The following NSMAF variants were observed in gnomAD, a reference collection of about 807,000 sequenced individuals.
NSMAF encodes the protein protein FAN.
A neutral mutation model predicts 134.9 loss-of-function variants in NSMAF; 90 were observed. That is an observed-to-expected ratio of 0.67 (90% CI 0.56 to 0.79). The LOEUF (loss-of-function observed/expected upper bound fraction) is 0.79, where lower values mean the gene tolerates loss of function less well. Among genes scored for constraint, NSMAF ranks in the 30% least tolerant of loss-of-function variants. NSMAF has a pLI of 0.00. For missense variants in NSMAF, 1,010 were observed against 1,119.0 expected (o/e 0.90, Z 1.39); for synonymous variants, 358 against 389.6 (o/e 0.92, Z 0.96).
chr8:58,632,856 T>C (rs895343273), intron 5 of NSMAF, among the ~76,000 whole-genome samples: 2 of 152,188 alleles, frequency 1.3e-5, no homozygotes, highest in Non-Finnish European at 2.9e-5. Flanking sequence ...TCTTTATCAC[T>C]ATAAAGGGCA....
intron 5 of NSMAF, among the ~76,000 whole-genome samples, chr8:58,632,755 G>T (rs537041257): frequency 6.6e-6 from 1 of 152,302 alleles, no homozygotes; most frequent in Admixed American, 6.5e-5. Context: ...CCAGATGGAT[G>T]CATCCAAATG....
intron 27 of NSMAF, 130 bp from the exon 28 acceptor site, chr8:58,586,738 C>T (rs769535274): frequency 2.0e-5 from 13 of 646,150 alleles, no homozygotes; most frequent in Non-Finnish European, 3.4e-5. Flanking sequence ...GCCGGTGTTG[C>T]TAATGCAGAT....
At chr8:58,612,017 T>C (rs1806540347) in intron 9 of NSMAF, among the ~76,000 whole-genome samples, 1 of 152,166 alleles carries the variant, frequency 6.6e-6, no homozygotes, top group South Asian at 2.1e-4. Context: ...ATTTCCCGAG[T>C]GACAGAGGTG....
Position 58,599,344 on chromosome 8 carries a change from C to T in NSMAF, c.1473G>A (p.Gln491=). Residue 491 remains glutamine (Q), a synonymous_variant, in exon 19 of 31, where the codon CAG becomes CAA. Transcript: ENST00000038176. ...PWASSPEDFL[Q]KSKDALESNY... ...TGCTTTCCAATGCATCTTTGCTCTTCTGGAGAAAGTCCTCGGGACCTATTA... is the reference window on the plus strand; with the variant it reads ...TGCTTTCCAATGCATCTTTGCTCTTTTGGAGAAAGTCCTCGGGACCTATTA... The T allele has an allele frequency of 6.2e-7, 1 of 1,614,012 alleles. No homozygotes were observed. Among genetic ancestry groups the T allele is most frequent in the Non-Finnish European group, 8.5e-7 (1 of 1,179,964 alleles).
chr8:58,583,558 T>TA lies in NSMAF; in HGVS notation c.*547dup. 6.6e-6 allele frequency: 1 copy of TA among 152,388 alleles called. No individual in the cohort carries two copies. The highest frequency in any genetic ancestry group is 2.1e-4 in the South Asian group (1 of 4,848). 9.4% of individuals were successfully genotyped at this position (152,388 alleles called of 1,614,324 possible). A position where few individuals can be genotyped will look rare whatever the true frequency, so the allele number is the denominator to read the frequency against. ...GAAAAGATGAATAGCTGTAATGAAATACAAACCGTTCCTATACACAGTAAA... is the reference window on the plus strand; with the variant it reads ...GAAAAGATGAATAGCTGTAATGAAATAACAAACCGTTCCTATACACAGTAAA... On this transcript the variant is annotated 3_prime_UTR_variant, in exon 31 of 31. Coordinates refer to ENST00000038176, the MANE Select transcript of NSMAF (RefSeq NM_003580.4).
At chr8:58,659,426 C>A in intron 1 of NSMAF, 147 bp downstream of exon 1, 1 of 1,506,400 alleles carries the variant, frequency 6.6e-7, no homozygotes, top group African/African-American at 1.4e-5. Context: ...CGCCACAGCC[C>A]CCAGCCCAGG....
At chr8:58,645,308 A>C (rs1807421360) in intron 1 of NSMAF, among the ~76,000 whole-genome samples, 2 of 152,272 alleles carry the variant, frequency 1.3e-5, no homozygotes, top group South Asian at 4.1e-4. Context: ...GGTATCAGGC[A>C]CAGTGGAGAG....
In NSMAF at chr8:58,600,621, C is replaced by CAAAAAAAA. The variant is rs35209612; in HGVS notation, c.1281-608_1281-601dup. On this transcript the variant is annotated intron_variant, in intron 16 of 30. Coordinates refer to ENST00000038176, the MANE Select transcript of NSMAF (RefSeq NM_003580.4). ...TGGGCGACAGAGCAAGACTCTGTCT[C>CAAAAAAAA]AAAAAAAAAAAAAAAAAAAAAAAAA... Among the ~76,000 whole-genome samples the CAAAAAAAA allele has an allele frequency of 1.3e-4, 6 of 44,690 alleles. 1 individual carries two copies. Among genetic ancestry groups the CAAAAAAAA allele is most frequent in the African/African-American group, 2.6e-4 (3 of 11,322 alleles). 29.3% of individuals were successfully genotyped at this position (44,690 alleles called of 152,430 possible).
chr8:58,650,934 C>T (rs77724289), intron 1 of NSMAF, among the ~76,000 whole-genome samples: 4,070 of 152,278 alleles, frequency 0.027, 201 homozygotes, highest in African/African-American at 0.092. Context: ...CCATTTCTTC[C>T]ACCCACTTAA....
chr8:58,648,718 CA>C (rs1286149687), intron 1 of NSMAF, among the ~76,000 whole-genome samples: 33 of 152,200 alleles, frequency 2.2e-4, no homozygotes, highest in African/African-American at 7.7e-4. Flanking sequence ...GCTGCTGCTC[CA>C]AAGGGTGCAA....
At chr8:58,630,492 C>T (rs2129145426) in intron 6 of NSMAF, among the ~76,000 whole-genome samples, 1 of 152,172 alleles carries the variant, frequency 6.6e-6, no homozygotes, top group Middle Eastern at 3.4e-3. Context: ...GAAGGGCACC[C>T]CAGGTGAGTG....
intron 19 of NSMAF, 99 bp downstream of exon 19, chr8:58,599,133 A>AT (rs1806213395): frequency 8.0e-7 from 1 of 1,257,312 alleles, no homozygotes; most frequent in Non-Finnish European, 1.1e-6. Context: ...CTTTGGCCTC[A>AT]TTTTTTTGTT....
chr8:58,589,497 C>A lies in NSMAF; in HGVS notation c.2166G>T (p.Trp722Cys). 5.1e-6 allele frequency: 8 copies of A among 1,561,604 alleles called. No individual in the cohort carries two copies. The highest frequency in any genetic ancestry group is 6.9e-6 in the Non-Finnish European group (8 of 1,162,234). ...GHDDAVSKIC[W>C]HDNRLYSASW... is the part of the protein sequence containing the mutation. Reference sequence around the variant, plus strand: ...ATGCAGAATATAGCCTGTTGTCATGCCAACAGATCTTACTAACAGCATCAT... The same window carrying A: ...ATGCAGAATATAGCCTGTTGTCATGACAACAGATCTTACTAACAGCATCAT... The change falls in exon 26 of 31, where the codon TGG (tryptophan) becomes TGT (cysteine). Residue 722 changes from tryptophan to cysteine, a missense_variant. Coordinates refer to ENST00000038176, the MANE Select transcript of NSMAF (RefSeq NM_003580.4).
chr8:58,591,452 T>C (rs1455804448), intron 23 of NSMAF, among the ~76,000 whole-genome samples: 3 of 151,584 alleles, frequency 2.0e-5, no homozygotes, highest in Non-Finnish European at 4.4e-5. Context: ...AATCCAAGCA[T>C]TTAATTTTCT....
intron 2 of NSMAF, among the ~76,000 whole-genome samples, chr8:58,639,762 C>T (rs990965070): frequency 1.3e-5 from 2 of 151,960 alleles, no homozygotes; most frequent in Admixed American, 6.6e-5. Context: ...GAATATAAAA[C>T]ATATAAAAAT....
rs1585721538 is a variant in NSMAF at position 58,585,514 on chromosome 8, G to A, written c.2659+138C>T. On this transcript the variant is annotated intron_variant, in intron 30 of 30. Coordinates refer to ENST00000038176, the MANE Select transcript of NSMAF (RefSeq NM_003580.4). ...ATGCAGATCACCTGGCCAATCAAGA[G>A]GCTCCAGGGACATGTTTACGACATG... 21 of 626,420 alleles carry A rather than the reference G, an allele frequency of 3.4e-5. No individual in the cohort carries two copies. In the East Asian group the frequency reaches 5.8e-4, roughly 17 times the overall value. 38.8% of individuals were successfully genotyped at this position (626,420 alleles called of 1,614,324 possible).
rs78187905 is a variant in NSMAF, at chr8:58,641,788, T to A, written c.149+1196A>T. On this transcript the variant is annotated intron_variant, in intron 2 of 30. Transcript: ENST00000038176. ...TAGCATTGCTAGATCAATAGGTTAA[T>A]GCACATGTCATCTTACCAGATATTA... 9.8e-5 allele frequency among the ~76,000 whole-genome samples: 15 copies of A among 152,368 alleles called. No homozygotes were observed. The East Asian group carries it at 2.9e-3, about 29-fold the overall frequency.
chr8:58,589,741 A>T, intron 25 of NSMAF, 166 bp from the exon 26 acceptor site: 2 of 774,096 alleles, frequency 2.6e-6, no homozygotes, highest in Non-Finnish European at 3.8e-6. Context: ...CAAAATTTGA[A>T]TTTAAAATTA....
Position 58,590,904 on chromosome 8 carries a change from G to T in NSMAF, c.1982C>A (p.Ser661Ter). 1 of 1,566,712 alleles carries T rather than the reference G, an allele frequency of 6.4e-7. No homozygotes were observed. The highest frequency in any genetic ancestry group is 8.7e-7 in the Non-Finnish European group (1 of 1,144,928). ...TGATATACTTCTTTGTAGCATTTTT[G>T]ATTCTTTAGAAAACATCTTCAAGGT... ...DSTLKMFSKESKMLQRSISFS... is the reference protein window; with the variant it reads ...DSTLKMFSKE Residue 661 changes from serine (S) to a stop codon, truncating the protein, a stop_gained, in exon 24 of 31, where the codon TCA becomes TAA. Coordinates refer to ENST00000038176, the MANE Select transcript of NSMAF (RefSeq NM_003580.4). LOFTEE classifies it high-confidence loss of function.
Sources: gnomAD v4.1 joint callset for allele counts (sites outside exome capture counted in the v4.1 genomes callset) on GRCh38, gnomAD v4.1.1 for gene constraint, MANE v1.5 for transcripts, NCBI Gene and HGNC (gene_info 2026-07-23, HGNC 2026-07-21) for gene names.